ASIC2: variants seen among roughly 807,000 people sequenced by gnomAD.
The protein encoded by ASIC2 is acid-sensing ion channel 2.
Under a neutral mutation model 57.3 loss-of-function variants are expected in ASIC2, and 25 were observed. The ratio of observed to expected loss-of-function variants is 0.44; its 90% confidence interval spans 0.32 to 0.61. The LOEUF is 0.61. Among genes scored for constraint, ASIC2 ranks in the 20% least tolerant of loss-of-function variants. ASIC2 has a pLI of 0.06. For synonymous variants in ASIC2, 319 were observed against 307.5 expected (o/e 1.04, Z -0.39); for missense variants, 641 against 738.1 (o/e 0.87, Z 1.52).
chr17:34,037,103 T>C (rs1907917376), intron 1 of ASIC2: 1 of 152,994 alleles, frequency 6.5e-6, no homozygotes, highest in Non-Finnish European at 1.5e-5. Context: ...CTAGTGCCTT[T>C]AACGGGCAAT....
intron 1 of ASIC2, among the ~76,000 whole-genome samples, chr17:33,738,260 G>A (rs909960339): frequency 1.3e-5 from 2 of 152,148 alleles, no homozygotes; most frequent in Non-Finnish European, 2.9e-5. Flanking sequence ...TGTGGTTGAT[G>A]ATGGAGAGCT....
rs115474364 is a variant in ASIC2 at position 33,853,745 on chromosome 17, G to A, written c.555+302233C>T. The stretch of plus-strand genomic sequence containing the variant: ...ACTCACCCACATTTGTATCCTGAGG[G>A]TCTAGCACCGAGCTTGGTCTAGAGT... On this transcript the variant is annotated intron_variant, in intron 1 of 9. Transcript: ENST00000359872. Among the ~76,000 whole-genome samples, 435 of 152,284 alleles carry A rather than the reference G, an allele frequency of 2.9e-3. 5 individuals are homozygous for A. The highest frequency in any genetic ancestry group is 8.6e-3 in the African/African-American group (357 of 41,566).
Position 33,229,944 on chromosome 17 carries a change from C to A in ASIC2, c.708+61464G>T, listed in dbSNP as rs1327235979. ...TTTGATGGACATGTGAACTACGTAACCTTGAAGGTCCTTTCCAGACCTGAG... is the reference window on the plus strand; with the variant it reads ...TTTGATGGACATGTGAACTACGTAAACTTGAAGGTCCTTTCCAGACCTGAG... On this transcript the variant is annotated intron_variant, in intron 1 of 9. Transcript: ENST00000225823. Among the ~76,000 whole-genome samples, 3 of 152,176 alleles carry A rather than the reference C, an allele frequency of 2.0e-5. No homozygotes were observed. The East Asian group carries it at 5.8e-4, about 29-fold the overall frequency.
chr17:33,338,035 G>A (rs1411239776), intron 1 of ASIC2, among the ~76,000 whole-genome samples: 1 of 152,064 alleles, frequency 6.6e-6, no homozygotes, highest in Non-Finnish European at 1.5e-5. Flanking sequence ...AGGTGTTCTG[G>A]AAGGGCAAAG....
At chr17:34,098,769 C>T (rs2142095754) in intron 1 of ASIC2, among the ~76,000 whole-genome samples, 1 of 152,282 alleles carries the variant, frequency 6.6e-6, no homozygotes, top group South Asian at 2.1e-4. Flanking sequence ...CTTGCATCAT[C>T]TGAACACTCA....
intron 1 of ASIC2, among the ~76,000 whole-genome samples, chr17:33,898,633 A>T (rs1028266201): frequency 1.1e-4 from 16 of 152,160 alleles, no homozygotes; most frequent in Non-Finnish European, 1.5e-4. Context: ...ATCTCATTAG[A>T]ATTTTATTTA....
chr17:33,888,780 C>T (rs1914890971), intron 1 of ASIC2, among the ~76,000 whole-genome samples: 1 of 152,058 alleles, frequency 6.6e-6, no homozygotes, highest in Non-Finnish European at 1.5e-5. Flanking sequence ...ATTTGGAGAT[C>T]ATTAAATATG....
chr17:33,973,323 A>T (rs997849640), intron 1 of ASIC2, among the ~76,000 whole-genome samples: 3 of 152,180 alleles, frequency 2.0e-5, no homozygotes, highest in Admixed American at 2.0e-4. Context: ...ACATCAACAG[A>T]GGGGCTGTGG....
intron 1 of ASIC2, among the ~76,000 whole-genome samples, chr17:33,263,795 CAAG>C (rs1172348099): frequency 3.9e-5 from 6 of 152,370 alleles, no homozygotes; most frequent in Admixed American, 1.3e-4. Context: ...ATTCTGCTTA[CAAG>C]AAGAATTCCT....
chr17:33,044,261 C>CCCAT (rs3052916), intron 3 of ASIC2, among the ~76,000 whole-genome samples: 12,606 of 137,642 alleles, frequency 0.092, 606 homozygotes, highest in Non-Finnish European at 0.12. Context: ...CATCCATCTA[C>CCCAT]CCATCCATCC....
At chr17:33,622,341 G>A (rs951088165) in intron 1 of ASIC2, among the ~76,000 whole-genome samples, 9 of 152,194 alleles carry the variant, frequency 5.9e-5, no homozygotes, top group African/African-American at 1.9e-4. Flanking sequence ...TAGGCTTTAG[G>A]ATTGAGTCAA....
chr17:33,395,189 A>C (rs1457280533), intron 1 of ASIC2, among the ~76,000 whole-genome samples: 1 of 146,446 alleles, frequency 6.8e-6, no homozygotes, highest in Non-Finnish European at 1.5e-5. Flanking sequence ...CCCTTCCATC[A>C]ACCTATCCAT....
Position 33,650,072 on chromosome 17 carries a change from A to G in ASIC2, c.555+505906T>C, listed in dbSNP as rs536651930. Among the ~76,000 whole-genome samples, 6 of 152,350 alleles carry G rather than the reference A, an allele frequency of 3.9e-5. No homozygotes were observed. The South Asian group carries it at 1.2e-3, about 32-fold the overall frequency. ...GACAAGGTACAAAATGAGAGGAAAT[A>G]CTTTCAAATTACATATTGGACAAAG... On this transcript the variant is annotated intron_variant, in intron 1 of 9. Transcript: ENST00000359872.
chr17:33,298,869 A>T (rs4365329), intron 1 of ASIC2, among the ~76,000 whole-genome samples: 73,865 of 151,984 alleles, frequency 0.49, 18,125 homozygotes, highest in East Asian at 0.74. Flanking sequence ...ATACCTAGGA[A>T]TCCAATTTAC....
intron 1 of ASIC2, among the ~76,000 whole-genome samples, chr17:33,900,072 A>C (rs1322543002): frequency 6.6e-6 from 1 of 152,246 alleles, no homozygotes; most frequent in African/African-American, 2.4e-5. Context: ...ACACATTTCA[A>C]AAAGTTAACC....
intron 1 of ASIC2, among the ~76,000 whole-genome samples, chr17:33,208,420 C>G (rs1219812182): frequency 6.6e-6 from 1 of 152,186 alleles, no homozygotes; most frequent in Non-Finnish European, 1.5e-5. Flanking sequence ...CGCAGTCCTA[C>G]ATCTTCTGCT....
intron 1 of ASIC2, among the ~76,000 whole-genome samples, chr17:34,148,440 G>T (rs1598047869): frequency 6.6e-6 from 1 of 152,180 alleles, no homozygotes; most frequent in African/African-American, 2.4e-5. Context: ...GACAAAGGTT[G>T]CCCCCATAAG....
At chr17:33,776,884 T>A (rs1466209344) in intron 1 of ASIC2, among the ~76,000 whole-genome samples, 3 of 152,252 alleles carry the variant, frequency 2.0e-5, no homozygotes, top group Non-Finnish European at 4.4e-5. Flanking sequence ...CAATGGCCAT[T>A]GCCACTGGCT....
intron 1 of ASIC2, among the ~76,000 whole-genome samples, chr17:33,779,877 T>C (rs556116219): frequency 2.4e-4 from 36 of 151,498 alleles, no homozygotes; most frequent in African/African-American, 8.5e-4. Context: ...GATGATGAAA[T>C]TGAAATCTAG....
Sources: allele counts gnomAD v4.1 joint callset (sites outside exome capture counted in the v4.1 genomes callset), GRCh38; gene constraint gnomAD v4.1.1; transcripts MANE v1.5; gene names NCBI Gene and HGNC (gene_info 2026-07-23, HGNC 2026-07-21).